CTNNA3: variants seen among roughly 807,000 people sequenced by gnomAD.
The protein encoded by CTNNA3 is catenin alpha 3.
A neutral mutation model predicts 95.7 loss-of-function variants in CTNNA3; 76 were observed. That is an observed-to-expected ratio of 0.79 (90% CI 0.66 to 0.96). The LOEUF is 0.96. Among genes scored for constraint, CTNNA3 ranks in the 40% least tolerant of loss-of-function variants. CTNNA3 has a pLI of 0.00. For missense variants in CTNNA3, 1,191 were observed against 1,089.8 expected (o/e 1.09, Z -1.31); for synonymous variants, 431 against 374.4 (o/e 1.15, Z -1.74).
intron 12 of CTNNA3, among the ~76,000 whole-genome samples, chr10:66,347,386 A>G (rs4628574): frequency 0.91 from 137,907 of 152,016 alleles, 62,797 homozygotes; most frequent in East Asian, 1. Context: ...CAAGGCGGGA[A>G]GATTGCTTGA....
intron 11 of CTNNA3, among the ~76,000 whole-genome samples, chr10:66,469,703 G>C (rs1368593145): frequency 6.6e-6 from 1 of 151,740 alleles, no homozygotes; most frequent in East Asian, 1.9e-4. Flanking sequence ...GTTGAGGGCT[G>C]TTATTGTGAT....
At chr10:67,236,275 T>C (rs10437349) in intron 5 of CTNNA3, among the ~76,000 whole-genome samples, 5 of 150,152 alleles carry the variant, frequency 3.3e-5, no homozygotes, top group African/African-American at 9.9e-5. Flanking sequence ...TGTCCAACAA[T>C]GATAGACTGG....
chr10:66,928,120 A>G (rs1847177703), intron 7 of CTNNA3: 2 of 1,613,902 alleles, frequency 1.2e-6, no homozygotes, highest in Middle Eastern at 1.6e-4. Flanking sequence ...GGTGGGAGCC[A>G]CAGAGCCCGG....
chr10:66,279,001 T>A (rs1476932713), intron 13 of CTNNA3, among the ~76,000 whole-genome samples: 1 of 152,106 alleles, frequency 6.6e-6, no homozygotes, highest in Non-Finnish European at 1.5e-5. Context: ...CATTTTCTAA[T>A]CACTTAGAAA....
intron 14 of CTNNA3, chr10:66,078,859 A>G (rs1245082456): frequency 1.3e-5 from 2 of 151,950 alleles, no homozygotes; most frequent in Admixed American, 6.6e-5. Flanking sequence ...AATGCTCTCT[A>G]AAAGTCTATT....
intron 12 of CTNNA3, among the ~76,000 whole-genome samples, chr10:66,312,440 G>GTGTGT (rs1211678483): frequency 6.6e-6 from 1 of 152,020 alleles, no homozygotes; most frequent in East Asian, 1.9e-4. Flanking sequence ...GTGTGTATGT[G>GTGTGT]TGTGTTGTGT....
At chr10:66,660,121 C>G (rs1271970827) in intron 9 of CTNNA3, among the ~76,000 whole-genome samples, 2 of 152,086 alleles carry the variant, frequency 1.3e-5, no homozygotes, top group Non-Finnish European at 2.9e-5. Flanking sequence ...TGTGCCCAGC[C>G]TATTCCTCAT....
chr10:66,787,693 C>T (rs986059580), intron 7 of CTNNA3, among the ~76,000 whole-genome samples: 8 of 152,130 alleles, frequency 5.3e-5, no homozygotes, highest in Non-Finnish European at 1.2e-4. Context: ...AAATTGGTAG[C>T]AAAAGATATT....
chr10:66,095,055 G>A (rs945028807), intron 14 of CTNNA3, among the ~76,000 whole-genome samples: 2 of 152,096 alleles, frequency 1.3e-5, no homozygotes, highest in Non-Finnish European at 2.9e-5. Context: ...ATCTACAGAT[G>A]CCTGTGATTA....
chr10:66,234,070 A>T (rs896446763), intron 13 of CTNNA3, among the ~76,000 whole-genome samples: 16 of 152,194 alleles, frequency 1.1e-4, no homozygotes, highest in Non-Finnish European at 2.2e-4. Flanking sequence ...GTGATAGGGA[A>T]AAATGACTCC....
At chr10:66,607,532 G>A (rs1844173703) in intron 10 of CTNNA3, among the ~76,000 whole-genome samples, 1 of 137,612 alleles carries the variant, frequency 7.3e-6, no homozygotes, top group Non-Finnish European at 1.6e-5. Context: ...CAATGTCTTT[G>A]ATGAATTTTG....
chr10:66,952,032 C>T (rs1013874900), intron 7 of CTNNA3, among the ~76,000 whole-genome samples: 2 of 152,126 alleles, frequency 1.3e-5, no homozygotes, highest in African/African-American at 4.8e-5. Flanking sequence ...ATTCCAGATC[C>T]GTGACATTCA....
At chr10:67,007,940 G>C (rs1852101680) in intron 7 of CTNNA3, among the ~76,000 whole-genome samples, 3 of 151,916 alleles carry the variant, frequency 2.0e-5, no homozygotes, top group South Asian at 4.1e-4. Flanking sequence ...GATCAGTTTT[G>C]TTAAAATGGA....
At chr10:67,579,998 G>C (rs1480892035) in intron 3 of CTNNA3, among the ~76,000 whole-genome samples, 1 of 152,172 alleles carries the variant, frequency 6.6e-6, no homozygotes, top group East Asian at 1.9e-4. Context: ...CTCCCATTCT[G>C]TAGGTTGCCT....
chr10:67,291,690 C>T (rs1410639403), intron 5 of CTNNA3, among the ~76,000 whole-genome samples: 1 of 152,130 alleles, frequency 6.6e-6, no homozygotes, highest in Non-Finnish European at 1.5e-5. Context: ...TAAAAGGCCA[C>T]ACCGCCACTC....
chr10:67,019,301 C>T (rs1320571510), intron 7 of CTNNA3, among the ~76,000 whole-genome samples: 3 of 152,198 alleles, frequency 2.0e-5, no homozygotes, highest in Admixed American at 6.5e-5. Flanking sequence ...TCACCACAAC[C>T]TCTGCCTTCC....
At chr10:66,003,134 C>T (rs887161758) in intron 15 of CTNNA3, among the ~76,000 whole-genome samples, 3 of 152,154 alleles carry the variant, frequency 2.0e-5, no homozygotes, top group Non-Finnish European at 4.4e-5. Context: ...TTGTCACCAT[C>T]TAGAGGATCT....
chr10:65,916,134 T>C lies in CTNNA3; in HGVS notation c.*4196A>G, dbSNP rs2077005149. ...GGGAAAAGAGTCATAAAGAAAAAAA[T>C]GGAATTTTCATATAAATAAAAACAG... On this transcript the variant is annotated 3_prime_UTR_variant, in exon 18 of 18. Transcript: ENST00000433211. 1 of 151,968 alleles carries C rather than the reference T, an allele frequency of 6.6e-6. No homozygotes were observed. The highest frequency in any genetic ancestry group is 2.1e-4 in the South Asian group (1 of 4,832). 9.4% of individuals were successfully genotyped at this position (151,968 alleles called of 1,614,324 possible).
chr10:67,116,721 A>AATATATATATATATATAT (rs34041126), intron 7 of CTNNA3, among the ~76,000 whole-genome samples: 37 of 143,518 alleles, frequency 2.6e-4, no homozygotes, highest in African/African-American at 9.4e-4. Flanking sequence ...CAGTTTTGAA[A>AATATATATATATATATAT]ATATATATAT....
Sources: gnomAD v4.1 joint callset for allele counts (sites outside exome capture counted in the v4.1 genomes callset) on GRCh38, gnomAD v4.1.1 for gene constraint, MANE v1.5 for transcripts, NCBI Gene and HGNC (gene_info 2026-07-23, HGNC 2026-07-21) for gene names.